The following GFAP variants were observed in gnomAD, a reference collection of about 807,000 sequenced individuals.
GFAP encodes glial fibrillary acidic protein, also known as intermediate filament protein.
A neutral mutation model predicts 49.3 loss-of-function variants in GFAP; 38 were observed. The ratio of observed to expected loss-of-function variants is 0.77; its 90% CI spans 0.60 to 1.01. GFAP has a LOEUF of 1.01. GFAP is among the 50% of genes least tolerant of loss of function. The pLI, the probability that GFAP is intolerant of heterozygous loss-of-function variation, is 0.00. For synonymous variants in GFAP, 222 were observed against 236.4 expected, an observed-to-expected ratio of 0.94 and a Z score of 0.56; for missense variants, 463 against 579.1, an observed-to-expected ratio of 0.80 and a Z score of 2.06.
At position 44,911,493 on chromosome 17, in the gene GFAP, A is replaced by T. The variant is rs1220884973; in HGVS notation, c.907-37T>A. ...AGCCGGCCGGTCCCGCGGAGCCCCGACCCGACTTGGGGAGGTTTCGAGGCC... is the reference window on the plus strand; with the variant it reads ...AGCCGGCCGGTCCCGCGGAGCCCCGTCCCGACTTGGGGAGGTTTCGAGGCC... On this transcript the variant is annotated intron_variant, in intron 5 of 8. Coordinates refer to ENST00000588735, the MANE Select transcript of GFAP (RefSeq NM_002055.5). The T allele has an allele frequency of 1.9e-6, 3 of 1,572,092 alleles. No individual in the cohort carries two copies. The South Asian group carries it at 3.5e-5, about 18-fold the overall frequency.
chr17:44,908,334 C>CCCAAGTCCTGGCTACTCTGTCCAGT lies in GFAP; in HGVS notation c.1172-186_1172-185insACTGGACAGAGTAGCCAGGACTTGG, dbSNP rs68037627. The CCCAAGTCCTGGCTACTCTGTCCAGT allele has an allele frequency of 1.6e-5, 9 of 565,566 alleles. No homozygotes were observed. In the East Asian group the frequency reaches 2.6e-4, roughly 17 times the overall value. 35.0% of individuals were successfully genotyped at this position (565,566 alleles called of 1,614,324 possible). A position where few individuals can be genotyped will look rare whatever the true frequency, so the allele number is the denominator to read the frequency against. ...CCCCCAAATCCCAATAGTGCTGCTG[C>CCCAAGTCCTGGCTACTCTGTCCAGT]CAGAGTCCTGGCTGCTCTGTCTTCT... On this transcript the variant is annotated intron_variant, in intron 7 of 8. Transcript: ENST00000588735.
rs2051596529 is a variant in GFAP at position 44,903,489 on chromosome 17, T to C, written c.*3858A>G. 7 of 1,274,992 alleles carry C rather than the reference T, an allele frequency of 5.5e-6. No individual in the cohort carries two copies. Among genetic ancestry groups the C allele is most frequent in the Non-Finnish European group, 6.9e-6 (7 of 1,013,766 alleles). The allele number at this position is 1,274,992 out of a possible 1,614,324, so 79.0% of individuals were successfully genotyped here. The stretch of plus-strand genomic sequence containing the variant: ...TGGAGCACTGAGGCAGAGATCTCCC[T>C]GCCCGAGCACCTCGGCCCGCCCTTC... On this transcript the variant is annotated 3_prime_UTR_variant, in exon 9 of 9. Coordinates refer to ENST00000588735, the MANE Select transcript of GFAP (RefSeq NM_002055.5).
chr17:44,908,334 C>CCCAAGTCCTGGCTGCTCTGTCGAGT, intron 7 of GFAP, 185 bp from the exon 8 acceptor site: 1 of 565,490 alleles, frequency 1.8e-6, no homozygotes, highest in Non-Finnish European at 3.2e-6. Context: ...AGTGCTGCTG[C>CCCAAGTCCTGGCTGCTCTGTCGAGT]CAGAGTCCTG....
rs561429495 is a variant in GFAP at position 44,907,287 on chromosome 17, A to G, written c.*60T>C. 18 of 1,533,002 alleles carry G rather than the reference A, an allele frequency of 1.2e-5. No individual in the cohort carries two copies. The East Asian group carries it at 4.0e-4, about 34-fold the overall frequency. The allele number at this position is 1,533,002 out of a possible 1,614,324, so 95.0% of individuals were successfully genotyped here. On this transcript the variant is annotated 3_prime_UTR_variant, in exon 9 of 9. Transcript: ENST00000588735. The stretch of plus-strand genomic sequence containing the variant: ...ATGTGCCAGCAGAGGCGGAGCAACT[A>G]TCCTGCTTCTGCTCGGGCCCCTCAT...
chr17:44,914,365 GCACACA>G, intron 1 of GFAP: 4 of 473,476 alleles, frequency 8.4e-6, no homozygotes, highest in Non-Finnish European at 1.1e-5. Context: ...ACTCACTGTT[GCACACA>G]CACACACACA....
In GFAP at chr17:44,915,173, C is replaced by G; in HGVS notation, c.314G>C (p.Arg105Pro). 6.2e-7 allele frequency: 1 copy of G among 1,614,166 alleles called. No homozygotes were observed. Among genetic ancestry groups the G allele is most frequent in the Non-Finnish European group, 8.5e-7 (1 of 1,180,034 alleles). Residue 105 changes from arginine to proline, a missense_variant, in exon 1 of 9, where the codon CGG becomes CCG. Arg to Pro is a moderately radical substitution (Grantham distance 103). Transcript: ENST00000588735. The surrounding 1 kb of genome is among the most constrained non-coding windows in gnomAD (Gnocchi z 4.1). The part of the protein sequence containing the change: ...KALAAELNQL[R>P]AKEPTKLADV... ...TGCCAGCTTGGTGGGCTCCTTGGCC[C>G]GCAGCTGGTTCAGCTCAGCAGCCAG...
intron 7 of GFAP, 71 bp from the exon 8 acceptor site, chr17:44,908,220 T>A: frequency 1.0e-6 from 1 of 1,002,416 alleles, no homozygotes; most frequent in African/African-American, 1.6e-5. Flanking sequence ...ATGCCCGGCT[T>A]CCCCATCGCA....
rs2051598364 is a variant in GFAP at position 44,903,555 on chromosome 17, G to A, written c.*3792C>T. The A allele has an allele frequency of 7.3e-7, 1 of 1,363,814 alleles. No homozygotes were observed. The highest frequency in any genetic ancestry group is 9.4e-7 in the Non-Finnish European group (1 of 1,065,042). The allele number at this position is 1,363,814 out of a possible 1,614,324, so 84.5% of individuals were successfully genotyped here. A position where few individuals can be genotyped will look rare whatever the true frequency, so the allele number is the denominator to read the frequency against. On this transcript the variant is annotated 3_prime_UTR_variant, in exon 9 of 9. Transcript: ENST00000588735. The stretch of plus-strand genomic sequence containing the variant: ...TTGACCCATTCTTGGGTGAGCGCCA[G>A]TGTTCTAGAAAGGGGAGTAAAGGCC...
At chr17:44,907,465 T>C (rs910218560) in intron 8 of GFAP, 77 bp from the exon 9 acceptor site, 2 of 1,073,754 alleles carry the variant, frequency 1.9e-6, no homozygotes, top group Non-Finnish European at 2.9e-6. Flanking sequence ...CACGAGGCTG[T>C]GTAACCTTGG....
chr17:44,904,474 C>G lies in GFAP; in HGVS notation c.*2873G>C, dbSNP rs774008775. On this transcript the variant is annotated 3_prime_UTR_variant, in exon 9 of 9. Coordinates refer to ENST00000588735, the MANE Select transcript of GFAP (RefSeq NM_002055.5). ...CCGTGCCCGATGTGGTGTCTTGTGG[C>G]TCAAGGGCTGTGCCAAGGAAGCTGC... 9 of 1,546,998 alleles carry G rather than the reference C, an allele frequency of 5.8e-6. No individual in the cohort carries two copies. In the South Asian group the frequency reaches 1.1e-4, roughly 18 times the overall value.
intron 8 of GFAP, 101 bp downstream of exon 8, chr17:44,907,962 CT>C (rs773089224): frequency 2.4e-5 from 20 of 838,316 alleles, no homozygotes; most frequent in Admixed American, 2.4e-4. Flanking sequence ...CTGGGAGTTG[CT>C]GGGAACCTTC....
chr17:44,906,498 C>T lies in GFAP; in HGVS notation c.*849G>A, dbSNP rs896196906. On this transcript the variant is annotated 3_prime_UTR_variant, in exon 9 of 9. Coordinates refer to ENST00000588735, the MANE Select transcript of GFAP (RefSeq NM_002055.5). Reference sequence around the variant, plus strand: ...AGCACCTCATCCCTCTCCACGTACACAACAGATCCCCCAAGTGCTGAGAAT... The same window carrying T: ...AGCACCTCATCCCTCTCCACGTACATAACAGATCCCCCAAGTGCTGAGAAT... The T allele has an allele frequency of 6.6e-6, 1 of 152,610 alleles. No individual in the cohort carries two copies. Among genetic ancestry groups the T allele is most frequent in the South Asian group, 2.1e-4 (1 of 4,840 alleles). 9.5% of individuals were successfully genotyped at this position (152,610 alleles called of 1,614,324 possible).
At chr17:44,911,188 CCGTG>C (rs1422384274) in intron 6 of GFAP, 44 bp downstream of exon 6, 2 of 1,530,820 alleles carry the variant, frequency 1.3e-6, no homozygotes, top group Admixed American at 3.3e-5. Flanking sequence ...ATGAGCTCTA[CCGTG>C]AGGCAGCAGG....
Position 44,904,639 on chromosome 17 carries a change from C to T in GFAP, c.*2708G>A. On this transcript the variant is annotated 3_prime_UTR_variant, in exon 9 of 9. Coordinates refer to ENST00000588735, the MANE Select transcript of GFAP (RefSeq NM_002055.5). ...AAGTGGGCAGCCGGCCCTGGGTGCC[C>T]CAGGTGCCCATTCAGTTCCACCAGC... 6.4e-7 allele frequency: 1 copy of T among 1,550,546 alleles called. No individual in the cohort carries two copies. The highest frequency in any genetic ancestry group is 8.7e-7 in the Non-Finnish European group (1 of 1,146,998).
chr17:44,915,172 C>A lies in GFAP; in HGVS notation c.315G>T (p.Arg105=). ...CTGCCAGCTTGGTGGGCTCCTTGGCCCGCAGCTGGTTCAGCTCAGCAGCCA... is the reference window on the plus strand; with the variant it reads ...CTGCCAGCTTGGTGGGCTCCTTGGCACGCAGCTGGTTCAGCTCAGCAGCCA... The part of the protein sequence containing the change: ...KALAAELNQL[R]AKEPTKLADV... The change falls in exon 1 of 9, where the codon CGG becomes CGT. Residue 105 remains arginine (R), a synonymous_variant. Transcript: ENST00000588735. The surrounding 1 kb of genome is among the most constrained non-coding windows in gnomAD (Gnocchi z 4.1). 6.2e-7 allele frequency: 1 copy of A among 1,614,200 alleles called. No homozygotes were observed. Among genetic ancestry groups the A allele is most frequent in the Non-Finnish European group, 8.5e-7 (1 of 1,180,044 alleles).
Position 44,907,065 on chromosome 17 carries a change from C to T in GFAP, c.*282G>A. The T allele has an allele frequency of 3.7e-6, 2 of 546,300 alleles. No homozygotes were observed. Among genetic ancestry groups the T allele is most frequent in the Non-Finnish European group, 6.6e-6 (2 of 301,448 alleles). 33.8% of individuals were successfully genotyped at this position (546,300 alleles called of 1,614,324 possible). On this transcript the variant is annotated 3_prime_UTR_variant, in exon 9 of 9. Coordinates refer to ENST00000588735, the MANE Select transcript of GFAP (RefSeq NM_002055.5). ...CTCCTCCCCTTCTCTCCTTCCTCCTCATTCTAACGCAAGCTGCTGGCCATG... is the reference window on the plus strand; with the variant it reads ...CTCCTCCCCTTCTCTCCTTCCTCCTTATTCTAACGCAAGCTGCTGGCCATG...
At position 44,906,809 on chromosome 17, in the gene GFAP, T is replaced by C. The variant is rs2051659069; in HGVS notation, c.*538A>G. The C allele has an allele frequency of 9.4e-6, 2 of 211,754 alleles. No homozygotes were observed. Among genetic ancestry groups the C allele is most frequent in the East Asian group, 1.2e-4 (1 of 8,684 alleles). The allele number at this position is 211,754 out of a possible 1,614,324, so 13.1% of individuals were successfully genotyped here. A position where few individuals can be genotyped will look rare whatever the true frequency, so the allele number is the denominator to read the frequency against. ...GAGTTCAAGGTCAGCCTAGGCAGCA[T>C]AGGGATATCCCACCTCATAAAAACC... On this transcript the variant is annotated 3_prime_UTR_variant, in exon 9 of 9. Transcript: ENST00000588735.
At chr17:44,914,193 G>A in intron 1 of GFAP, 105 bp from the exon 2 acceptor site, 1 of 770,898 alleles carries the variant, frequency 1.3e-6, no homozygotes, top group East Asian at 2.7e-5. Flanking sequence ...CCCCCACCCA[G>A]GACCAGTAGA....
chr17:44,905,456 G>A lies in GFAP; in HGVS notation c.*1891C>T, dbSNP rs2051640546. 5.0e-6 allele frequency: 1 copy of A among 201,708 alleles called. No homozygotes were observed. The highest frequency in any genetic ancestry group is 1.1e-5 in the Non-Finnish European group (1 of 91,858). 12.5% of individuals were successfully genotyped at this position (201,708 alleles called of 1,614,324 possible). A position where few individuals can be genotyped will look rare whatever the true frequency, so the allele number is the denominator to read the frequency against. ...GTTGAGTTGCAGGTAGCAGGGAGAG[G>A]AAGGAAGAAAAGAGTGGAGGGAGCT... On this transcript the variant is annotated 3_prime_UTR_variant, in exon 9 of 9. Transcript: ENST00000588735.
Sources: gnomAD v4.1 joint callset for allele counts on GRCh38, gnomAD v4.1.1 for gene constraint, Gnocchi (gnomAD v3.1) non-coding constraint, MANE v1.5 for transcripts, NCBI Gene and HGNC (gene_info 2026-07-23, HGNC 2026-07-21) for gene names.